Variants in CELA1 observed in about 807,000 individuals in gnomAD.
The protein encoded by CELA1 is chymotrypsin like elastase 1.
Under a neutral mutation model 34.8 loss-of-function variants are expected in CELA1, and 28 were observed. The observed-to-expected ratio is 0.80, with a 90% CI of 0.60 to 1.10. CELA1 has a LOEUF of 1.10. Ranked by LOEUF, CELA1 falls within the 50% of genes least tolerant of loss-of-function variation. The pLI is 0.00. For synonymous variants in CELA1, 140 were observed against 129.8 expected, an observed-to-expected ratio of 1.08 and a Z score of -0.53; for missense variants, 288 against 327.5, an observed-to-expected ratio of 0.88 and a Z score of 0.93.
chr12:51,345,841 C>A lies in CELA1; in HGVS notation c.53G>T (p.Arg18Leu), dbSNP rs74336876. 2 of 1,559,698 alleles carry A rather than the reference C, an allele frequency of 1.3e-6. No homozygotes were observed. Among genetic ancestry groups the A allele is most frequent in the South Asian group, 1.2e-5 (1 of 84,584 alleles). Residue 18 changes from arginine (R) to leucine (L), a missense_variant, in exon 2 of 8, where the codon CGC becomes CTC. Physicochemically the swap from Arg to Leu is moderately radical, Grantham distance 102. Coordinates refer to ENST00000293636, the MANE Select transcript of CELA1 (RefSeq NM_001971.6). ...CCCGGCCTCAGTCCCTCCGACTACGCGGGCATTGGTTTCCGGAAGGTCCTG... is the reference window on the plus strand; with the variant it reads ...CCCGGCCTCAGTCCCTCCGACTACGAGGGCATTGGTTTCCGGAAGGTCCTG... Reference protein sequence around the residue: ...STQDLPETNARVVGGTEAGRN... With the variant: ...STQDLPETNALVVGGTEAGRN...
intron 6 of CELA1, among the ~76,000 whole-genome samples, chr12:51,338,285 CACATACACAT>C (rs1159331371): frequency 3.2e-5 from 4 of 126,170 alleles, no homozygotes; most frequent in African/African-American, 8.8e-5. Context: ...CACACACACA[CACATACACAT>C]ACGCATACAT....
chr12:51,336,674 A>T (rs1040044393), intron 6 of CELA1, among the ~76,000 whole-genome samples: 6 of 152,276 alleles, frequency 3.9e-5, no homozygotes, highest in Admixed American at 6.5e-5. Context: ...GCTATACCTG[A>T]ATGTCCCACT....
intron 4 of CELA1, among the ~76,000 whole-genome samples, chr12:51,341,974 G>A (rs938401155): frequency 6.6e-6 from 1 of 152,154 alleles, no homozygotes; most frequent in Non-Finnish European, 1.5e-5. Context: ...GTAATCCACT[G>A]TGCAAACCAG....
chr12:51,337,539 CAAAAA>C (rs33950532), intron 6 of CELA1, among the ~76,000 whole-genome samples: 1 of 69,358 alleles, frequency 1.4e-5, no homozygotes, highest in African/African-American at 6.4e-5. Flanking sequence ...CTTATCTCTT[CAAAAA>C]AAAAAAAAAA....
At chr12:51,333,593 A>G (rs1318277573) in intron 6 of CELA1, among the ~76,000 whole-genome samples, 4 of 151,582 alleles carry the variant, frequency 2.6e-5, no homozygotes, top group African/African-American at 9.7e-5. Flanking sequence ...GGGTCTCCCT[A>G]TGTTGCTGAG....
Position 51,345,806 on chromosome 12 carries a change from A to G in CELA1, c.88T>C (p.Trp30Arg). Residue 30 changes from tryptophan to arginine, a missense_variant, in exon 2 of 8, where the codon TGG becomes CGG. By Grantham distance (101) the Trp-to-Arg change is moderately radical (BLOSUM62 -3). Transcript: ENST00000293636. ...VGGTEAGRNS[W>R]PSQISLQYRS... The stretch of plus-strand genomic sequence containing the variant: ...GAAGGAACACCCACCTGAGAGGGCC[A>G]GGAATTCCTCCCGGCCTCAGTCCCT... 1 of 1,556,590 alleles carries G rather than the reference A, an allele frequency of 6.4e-7. No homozygotes were observed. The highest frequency in any genetic ancestry group is 1.2e-5 in the South Asian group (1 of 84,366).
At chr12:51,329,152 GC>G (rs1283889986) in intron 7 of CELA1, among the ~76,000 whole-genome samples, 6 of 151,322 alleles carry the variant, frequency 4.0e-5, no homozygotes, top group Non-Finnish European at 8.8e-5. Context: ...TACTTGGGAG[GC>G]TGAAGCAGGA....
At position 51,341,094 on chromosome 12, in the gene CELA1, T is replaced by TG; in HGVS notation, c.463+149_463+150insC. 3 of 715,732 alleles carry TG rather than the reference T, an allele frequency of 4.2e-6. No individual in the cohort carries two copies. In the East Asian group the frequency reaches 7.8e-5, roughly 19 times the overall value. 44.3% of individuals were successfully genotyped at this position (715,732 alleles called of 1,614,324 possible). On this transcript the variant is annotated intron_variant, in intron 5 of 7. Coordinates refer to ENST00000293636, the MANE Select transcript of CELA1 (RefSeq NM_001971.6). ...AACTACTTCACAGCCCATTCTTAGC[T>TG]TGATATAATGCATCAGTTATTGTAT...
intron 2 of CELA1, among the ~76,000 whole-genome samples, chr12:51,344,219 A>G (rs1946553559): frequency 6.6e-6 from 1 of 152,164 alleles, no homozygotes; most frequent in African/African-American, 2.4e-5. Flanking sequence ...AGGGGTGTGT[A>G]GATGCTTCTG....
At chr12:51,339,680 C>CT (rs1251026412) in intron 6 of CELA1, among the ~76,000 whole-genome samples, 180 bp downstream of exon 6, 7 of 152,200 alleles carry the variant, frequency 4.6e-5, no homozygotes. Context: ...TTCCTTTCAA[C>CT]TTTGAGTTTC....
In CELA1 at chr12:51,335,320, G is replaced by C. The variant is rs17860334; in HGVS notation, c.609+4540C>G. Among the ~76,000 whole-genome samples, 939 of 152,156 alleles carry C rather than the reference G, an allele frequency of 6.2e-3. 12 individuals are homozygous for C. Among genetic ancestry groups the C allele is most frequent in the African/African-American group, 0.021 (883 of 41,508 alleles). Reference sequence around the variant, plus strand: ...CACCCAGGCTGGAGTGCGGTGGTGCGATCTTGGCTCACTGCAACCTCTGCC... The same window carrying C: ...CACCCAGGCTGGAGTGCGGTGGTGCCATCTTGGCTCACTGCAACCTCTGCC... On this transcript the variant is annotated intron_variant, in intron 6 of 7. Transcript: ENST00000293636.
At chr12:51,342,481 C>G (rs912591445) in intron 4 of CELA1, 94 bp downstream of exon 4, 1 of 1,556,654 alleles carries the variant, frequency 6.4e-7, no homozygotes, top group South Asian at 1.2e-5. Context: ...CCATGCAATC[C>G]CTCTAGCCCT....
chr12:51,332,742 C>T (rs1946477439), intron 6 of CELA1, among the ~76,000 whole-genome samples: 1 of 152,042 alleles, frequency 6.6e-6, no homozygotes, highest in Admixed American at 6.6e-5. Context: ...GTGGCTCATG[C>T]CTGTCATCCC....
At chr12:51,329,897 C>T (rs17860361) in intron 6 of CELA1, 64 bp from the exon 7 acceptor site, 78 of 1,449,500 alleles carry the variant, frequency 5.4e-5, no homozygotes, top group African/African-American at 1.6e-4. Flanking sequence ...GCACTCCCCC[C>T]GCCCCCGTCT....
intron 6 of CELA1, among the ~76,000 whole-genome samples, chr12:51,331,548 C>T (rs1946469819): frequency 6.6e-6 from 1 of 152,134 alleles, no homozygotes; most frequent in South Asian, 2.1e-4. Context: ...TAAGATAGAA[C>T]AAACAAGATA....
chr12:51,332,933 G>C (rs1946478529), intron 6 of CELA1, among the ~76,000 whole-genome samples: 1 of 151,928 alleles, frequency 6.6e-6, no homozygotes, highest in Non-Finnish European at 1.5e-5. Context: ...GGATAATTCT[G>C]TGTGTGTTTG....
chr12:51,335,074 A>C (rs1946493241), intron 6 of CELA1, among the ~76,000 whole-genome samples: 1 of 152,066 alleles, frequency 6.6e-6, no homozygotes, highest in African/African-American at 2.4e-5. Context: ...TCGGCTACCA[A>C]ATCCAGCAAA....
At chr12:51,337,676 A>AT (rs1372473694) in intron 6 of CELA1, among the ~76,000 whole-genome samples, 5 of 145,868 alleles carry the variant, frequency 3.4e-5, no homozygotes, top group Admixed American at 7.4e-5. Flanking sequence ...TATTATTCTG[A>AT]TTTTTTTTCC....
Position 51,329,814 on chromosome 12 carries a change from A to C in CELA1, c.629T>G (p.Leu210Arg). The change falls in exon 7 of 8, where the codon CTC (leucine) becomes CGC (arginine). Residue 210 changes from leucine to arginine, a missense_variant. Leu to Arg is a moderately radical substitution (Grantham distance 102, BLOSUM62 -2). Transcript: ENST00000293636. ...ATACTTGCCATTCACCAAGCAATGG[A>C]GGGGGCCCCCAGAGTCACCCTGCAG... Reference protein sequence around the residue: ...SGCQGDSGGPLHCLVNGKYSV... With the variant: ...SGCQGDSGGPRHCLVNGKYSV... The C allele has an allele frequency of 6.2e-7, 1 of 1,611,548 alleles. No individual in the cohort carries two copies. The highest frequency in any genetic ancestry group is 1.7e-5 in the Admixed American group (1 of 59,422).
Sources: gnomAD v4.1 joint callset for allele counts (sites outside exome capture counted in the v4.1 genomes callset) on GRCh38, gnomAD v4.1.1 for gene constraint, MANE v1.5 for transcripts, NCBI Gene and HGNC (gene_info 2026-07-23, HGNC 2026-07-21) for gene names.